SORT1: variants seen among roughly 807,000 people sequenced by gnomAD.
SORT1 encodes the protein sortilin.
SORT1 carries 39 observed loss-of-function variants against 101.7 expected under a neutral mutation model. The ratio of observed to expected loss-of-function variants is 0.38; its 90% CI spans 0.30 to 0.50. The LOEUF is 0.50. Among genes scored for constraint, SORT1 ranks in the 20% least tolerant of loss-of-function variants. SORT1 has a pLI of 0.90. For synonymous variants in SORT1, 396 were observed against 393.7 expected (o/e 1.01, Z -0.07); for missense variants, 878 against 1,040.4 (o/e 0.84, Z 2.15).
intron 15 of SORT1, 111 bp downstream of exon 15, chr1:109,322,821 T>G: frequency 6.0e-5 from 51 of 844,742 alleles, no homozygotes; most frequent in Non-Finnish European, 8.5e-5. Context: ...ATTACAGGTG[T>G]GAGCCACCGC....
chr1:109,322,607 C>T (rs999312444), intron 15 of SORT1, among the ~76,000 whole-genome samples: 1 of 152,192 alleles, frequency 6.6e-6, no homozygotes, highest in African/African-American at 2.4e-5. Flanking sequence ...CAGCTCACTG[C>T]AACCTCTGCC....
At chr1:109,321,220 A>G (rs542604692) in intron 15 of SORT1, among the ~76,000 whole-genome samples, 4 of 152,304 alleles carry the variant, frequency 2.6e-5, no homozygotes, top group African/African-American at 9.6e-5. Flanking sequence ...AGTAATTAAA[A>G]TTTAGTAAGT....
At chr1:109,372,937 C>T (rs1268682266) in intron 1 of SORT1, among the ~76,000 whole-genome samples, 1 of 150,720 alleles carries the variant, frequency 6.6e-6, no homozygotes, top group Non-Finnish European at 1.5e-5. Context: ...TAGCCAGGCG[C>T]GGTAGCTACT....
In SORT1 at chr1:109,347,512, A is replaced by C. The variant is rs1649681712; in HGVS notation, c.803T>G (p.Phe268Cys). The C allele has an allele frequency of 6.2e-7, 1 of 1,611,190 alleles. No homozygotes were observed. Among genetic ancestry groups the C allele is most frequent in the African/African-American group, 1.3e-5 (1 of 74,872 alleles). ...GGAGCCATTTGCATAGGTTGTAAAGAAGATGGTGTTGTCTGATCCCCTACA... is the reference window on the plus strand; with the variant it reads ...GGAGCCATTTGCATAGGTTGTAAAGCAGATGGTGTTGTCTGATCCCCTACA... ...LAKWGSDNTI[F>C]FTTYANGSCK... Residue 268 changes from phenylalanine to cysteine, a missense_variant, in exon 7 of 20, where the codon TTC becomes TGC. Around this residue, in one of 2 missense-constraint regions of SORT1, gnomAD observed 684 missense variants for 894.5 expected, o/e 0.76. Coordinates refer to ENST00000256637, the MANE Select transcript of SORT1 (RefSeq NM_002959.7).
chr1:109,319,512 A>G (rs949345862), intron 15 of SORT1, among the ~76,000 whole-genome samples: 1 of 151,992 alleles, frequency 6.6e-6, no homozygotes, highest in African/African-American at 2.4e-5. Flanking sequence ...TACTTGTCCT[A>G]TTTTACTCAT....
chr1:109,366,529 T>C (rs777877295), intron 3 of SORT1, among the ~76,000 whole-genome samples: 16 of 152,218 alleles, frequency 1.1e-4, no homozygotes, highest in Non-Finnish European at 1.8e-4. Context: ...TCTTTCTTCA[T>C]CTTCCTTTAT....
chr1:109,342,546 A>C (rs1649299320), intron 8 of SORT1, among the ~76,000 whole-genome samples: 1 of 152,238 alleles, frequency 6.6e-6, no homozygotes, highest in Non-Finnish European at 1.5e-5. Context: ...TGACTACTGC[A>C]TAAAAGTTTG....
intron 1 of SORT1, among the ~76,000 whole-genome samples, chr1:109,395,080 A>T (rs1653114281): frequency 6.6e-6 from 1 of 152,046 alleles, no homozygotes; most frequent in Admixed American, 6.6e-5. Context: ...CTTGGTTAAG[A>T]AGTACTACTT....
At chr1:109,322,032 T>C (rs991492666) in intron 15 of SORT1, among the ~76,000 whole-genome samples, 6 of 152,180 alleles carry the variant, frequency 3.9e-5, no homozygotes, top group African/African-American at 1.4e-4. Context: ...GCCTTGATTC[T>C]TGCAGAGGAT....
chr1:109,354,419 T>G lies in SORT1; in HGVS notation c.656A>C (p.Gln219Pro), dbSNP rs761185924. ...AGAATTCTGAGGGCTATACATCATC[T>G]GAGTGAGAGGATGAAAAGGGAGATC... is the stretch of plus-strand genomic sequence containing the variant. The part of the protein sequence containing the change: ...QTDLPFHPLT[Q>P]MMYSPQNSDY... Residue 219 changes from glutamine to proline, a missense_variant, in exon 5 of 20, where the codon CAG becomes CCG. Gln to Pro is a moderately conservative substitution (Grantham distance 76, BLOSUM62 -1). Transcript: ENST00000256637. The G allele has an allele frequency of 6.2e-7, 1 of 1,613,620 alleles. No homozygotes were observed. The highest frequency in any genetic ancestry group is 1.1e-5 in the South Asian group (1 of 91,072).
chr1:109,322,895 G>A (rs1447097892), intron 15 of SORT1, 37 bp downstream of exon 15: 3 of 1,551,500 alleles, frequency 1.9e-6, no homozygotes. Context: ...CCTCCAACAG[G>A]GAAAGGGAGA....
intron 15 of SORT1, among the ~76,000 whole-genome samples, chr1:109,320,098 C>T (rs2101535250): frequency 6.6e-6 from 1 of 152,238 alleles, no homozygotes; most frequent in East Asian, 1.9e-4. Flanking sequence ...CTTCCTAACC[C>T]ATAAATGTAG....
At chr1:109,367,774 C>G (rs1651189489) in intron 2 of SORT1, among the ~76,000 whole-genome samples, 1 of 152,218 alleles carries the variant, frequency 6.6e-6, no homozygotes, top group South Asian at 2.1e-4. Context: ...GTAAGATACT[C>G]TCAGGCAAGA....
chr1:109,356,809 T>C (rs1322348337), intron 3 of SORT1, among the ~76,000 whole-genome samples: 4 of 152,192 alleles, frequency 2.6e-5, no homozygotes, highest in Non-Finnish European at 4.4e-5. Context: ...TTCTGGAAAA[T>C]AAAAGCAAAA....
chr1:109,396,342 T>C (rs1451031740), intron 1 of SORT1, among the ~76,000 whole-genome samples: 2 of 152,080 alleles, frequency 1.3e-5, no homozygotes, highest in Non-Finnish European at 2.9e-5. Flanking sequence ...TAAGCATTAG[T>C]GTTGTAAAGC....
At chr1:109,395,484 T>C (rs1398771116) in intron 1 of SORT1, among the ~76,000 whole-genome samples, 1 of 151,884 alleles carries the variant, frequency 6.6e-6, no homozygotes, top group East Asian at 1.9e-4. Flanking sequence ...GCCTCCCACA[T>C]TGATAAGATT....
intron 10 of SORT1, 94 bp from the exon 11 acceptor site, chr1:109,336,440 T>C (rs1234758298): frequency 3.7e-6 from 3 of 806,686 alleles, no homozygotes; most frequent in Middle Eastern, 2.3e-4. Context: ...TGAGACCGTA[T>C]AGCACCTGGA....
chr1:109,311,949 T>C lies in SORT1; in HGVS notation c.*2094A>G, dbSNP rs1163851178. 6.6e-6 allele frequency: 1 copy of C among 152,512 alleles called. No individual in the cohort carries two copies. The highest frequency in any genetic ancestry group is 1.9e-4 in the East Asian group (1 of 5,190). 9.4% of individuals were successfully genotyped at this position (152,512 alleles called of 1,614,324 possible). On this transcript the variant is annotated 3_prime_UTR_variant, in exon 20 of 20. Coordinates refer to ENST00000256637, the MANE Select transcript of SORT1 (RefSeq NM_002959.7). ...TCCCAAGAACATTGTGAGGTTCAAA[T>C]GACATTATGTGAGTGAAGGTGCTCT...
At position 109,321,993 on chromosome 1, in the gene SORT1, C is replaced by A. The variant is rs1036360061; in HGVS notation, c.2024+939G>T. ...GACCATGACTATACTGATGTCACCTCTAGTCTCAGGACCAACCACCATCTC... is the reference window on the plus strand; with the variant it reads ...GACCATGACTATACTGATGTCACCTATAGTCTCAGGACCAACCACCATCTC... On this transcript the variant is annotated intron_variant, in intron 15 of 19. Transcript: ENST00000256637. 2.0e-5 allele frequency among the ~76,000 whole-genome samples: 3 copies of A among 152,302 alleles called. No homozygotes were observed. The East Asian group carries it at 5.8e-4, about 29-fold the overall frequency.
Sources: allele counts gnomAD v4.1 joint callset (sites outside exome capture counted in the v4.1 genomes callset), GRCh38; gene constraint gnomAD v4.1.1; regional missense constraint gnomAD v4.1.1; transcripts MANE v1.5; gene names NCBI Gene and HGNC (gene_info 2026-07-23, HGNC 2026-07-21).